The following RFX3 variants were observed in gnomAD, a reference collection of about 807,000 sequenced individuals.
RFX3 encodes regulatory factor X3, also known as transcription factor RFX3.
A neutral mutation model predicts 98.6 loss-of-function variants in RFX3; 14 were observed. The observed-to-expected ratio is 0.14, with a 90% confidence interval of 0.09 to 0.22. RFX3 has a LOEUF of 0.22. Ranked by LOEUF, RFX3 falls within the 10% of genes least tolerant of loss-of-function variation. The pLI is 1.00. For missense variants in RFX3, 639 were observed against 926.9 expected, an observed-to-expected ratio of 0.69 and a Z score of 4.03; for synonymous variants, 383 against 328.4, an observed-to-expected ratio of 1.17 and a Z score of -1.80.
chr9:3,270,239 G>T (rs1192797660), intron 11 of RFX3, 132 bp downstream of exon 11: 1 of 873,866 alleles, frequency 1.1e-6, no homozygotes, highest in Non-Finnish European at 1.7e-6. Context: ...GCAATATTCT[G>T]TGTTGCATGT....
In RFX3 at chr9:3,387,365, G is replaced by A. The variant is rs187342266; in HGVS notation, c.117+8107C>T. 7.6e-3 allele frequency among the ~76,000 whole-genome samples: 1,158 copies of A among 151,926 alleles called. 51 individuals are homozygous for A. The highest frequency in any genetic ancestry group is 0.069 in the Admixed American group (1,049 of 15,244). On this transcript the variant is annotated intron_variant, in intron 2 of 16. Transcript: ENST00000617270. ...AACTGATCACAATGATCTAACTCTG[G>A]ATAAAAAAAAATTTTTTTAATTACT...
intron 9 of RFX3, among the ~76,000 whole-genome samples, chr9:3,272,651 G>C (rs1354893685): frequency 1.3e-5 from 2 of 152,168 alleles, no homozygotes; most frequent in African/African-American, 4.8e-5. Context: ...TGTAGCTTAG[G>C]CACATTCCAA....
At chr9:3,331,763 C>T (rs950921482) in intron 3 of RFX3, among the ~76,000 whole-genome samples, 1 of 152,046 alleles carries the variant, frequency 6.6e-6, no homozygotes, top group Admixed American at 6.6e-5. Flanking sequence ...GATCAAAGAC[C>T]TTTACCACAT....
intron 2 of RFX3, among the ~76,000 whole-genome samples, chr9:3,368,309 CTTTG>C (rs1157044017): frequency 3.9e-5 from 6 of 152,062 alleles, no homozygotes; most frequent in African/African-American, 4.8e-5. Context: ...ATAAGCTTCA[CTTTG>C]TTTGTGTGTT....
intron 3 of RFX3, chr9:3,344,792 G>A (rs1470110974): frequency 4.3e-6 from 3 of 701,924 alleles, no homozygotes. Context: ...GGTCGAAGTG[G>A]CAGGCGTCTT....
At chr9:3,310,382 T>A (rs1829821495) in intron 4 of RFX3, among the ~76,000 whole-genome samples, 1 of 152,178 alleles carries the variant, frequency 6.6e-6, no homozygotes, top group South Asian at 2.1e-4. Flanking sequence ...AAAAGAACAA[T>A]TATATCATCT....
chr9:3,425,525 A>T (rs185709616), intron 1 of RFX3, among the ~76,000 whole-genome samples: 151 of 152,314 alleles, frequency 9.9e-4, no homozygotes, highest in Middle Eastern at 3.4e-3. Flanking sequence ...ATCGTTCCCC[A>T]TGTGAAACAA....
intron 2 of RFX3, among the ~76,000 whole-genome samples, chr9:3,352,485 T>G (rs933723882): frequency 6.6e-6 from 1 of 152,002 alleles, no homozygotes. Context: ...AAAATCATAT[T>G]AAACATAAAA....
At chr9:3,439,206 T>C (rs938490255) in intron 1 of RFX3, among the ~76,000 whole-genome samples, 1 of 151,918 alleles carries the variant, frequency 6.6e-6, no homozygotes, top group African/African-American at 2.4e-5. Context: ...CTACTAAATA[T>C]CTATATTAGA....
chr9:3,454,734 A>AT (rs1350263257), intron 1 of RFX3, among the ~76,000 whole-genome samples: 1 of 152,144 alleles, frequency 6.6e-6, no homozygotes, highest in Non-Finnish European at 1.5e-5. Context: ...ATTATTGACT[A>AT]TTTTTTTCCC....
chr9:3,412,705 A>G (rs1842561078), intron 1 of RFX3, among the ~76,000 whole-genome samples: 2 of 152,166 alleles, frequency 1.3e-5, no homozygotes, highest in African/African-American at 4.8e-5. Flanking sequence ...CCACTTTTTA[A>G]GCATACCAAT....
intron 4 of RFX3, among the ~76,000 whole-genome samples, chr9:3,306,531 G>A (rs963613588): frequency 4.7e-5 from 7 of 148,568 alleles, no homozygotes; most frequent in Admixed American, 1.4e-4. Flanking sequence ...GCATGGGTAA[G>A]GCAGTTCTTT....
chr9:3,392,219 T>C (rs71506638), intron 2 of RFX3, among the ~76,000 whole-genome samples: 11,163 of 151,946 alleles, frequency 0.073, 444 homozygotes, highest in East Asian at 0.11. Flanking sequence ...CCACAGATTG[T>C]CAGACATCAG....
chr9:3,242,179 T>C (rs1820021620), intron 15 of RFX3, among the ~76,000 whole-genome samples: 1 of 152,238 alleles, frequency 6.6e-6, no homozygotes, highest in Admixed American at 6.5e-5. Context: ...TTTCAATTTC[T>C]CTTTTCCTCA....
At chr9:3,335,274 T>A (rs1445572460) in intron 3 of RFX3, among the ~76,000 whole-genome samples, 1 of 152,154 alleles carries the variant, frequency 6.6e-6, no homozygotes, top group Non-Finnish European at 1.5e-5. Flanking sequence ...TTTCCATGTC[T>A]AAATACTTTA....
chr9:3,412,134 T>G (rs1278694127), intron 1 of RFX3, among the ~76,000 whole-genome samples: 7 of 152,226 alleles, frequency 4.6e-5, no homozygotes, highest in African/African-American at 7.2e-5. Context: ...GTATCTGATT[T>G]GAGTATTCCT....
At chr9:3,451,841 T>A (rs1463907495) in intron 1 of RFX3, among the ~76,000 whole-genome samples, 1 of 151,992 alleles carries the variant, frequency 6.6e-6, no homozygotes, top group Non-Finnish European at 1.5e-5. Context: ...AAGTTTTTTT[T>A]TTTTTTTAAT....
At chr9:3,238,851 G>T (rs1029630607) in intron 15 of RFX3, among the ~76,000 whole-genome samples, 1 of 152,004 alleles carries the variant, frequency 6.6e-6, no homozygotes, top group Non-Finnish European at 1.5e-5. Flanking sequence ...AAATTAGCTG[G>T]GCGTGGTTGC....
chr9:3,324,123 GA>G, intron 4 of RFX3: 1 of 387,254 alleles, frequency 2.6e-6, no homozygotes, highest in South Asian at 2.1e-5. Context: ...CAGGAAAACA[GA>G]AAAAGCTAAG....
Sources: gnomAD v4.1 joint callset for allele counts (sites outside exome capture counted in the v4.1 genomes callset) on GRCh38, gnomAD v4.1.1 for gene constraint, MANE v1.5 for transcripts, NCBI Gene and HGNC (gene_info 2026-07-23, HGNC 2026-07-21) for gene names.